The following MDGA2 variants were observed in gnomAD, a reference collection of about 807,000 sequenced individuals.
MDGA2 encodes MAM domain-containing glycosylphosphatidylinositol anchor protein 2.
MDGA2 carries 40 observed loss-of-function variants against 117.8 expected under a neutral mutation model. The ratio of observed to expected loss-of-function variants is 0.34; its 90% CI spans 0.26 to 0.44. The LOEUF (loss-of-function observed/expected upper bound fraction) is 0.44, where lower values mean the gene tolerates loss of function less well. Ranked by LOEUF, MDGA2 falls within the 20% of genes least tolerant of loss-of-function variation. MDGA2 has a pLI of 1.00. For missense variants in MDGA2, 1,123 were observed against 1,250.6 expected, an observed-to-expected ratio of 0.90 and a Z score of 1.54; for synonymous variants, 452 against 439.0, an observed-to-expected ratio of 1.03 and a Z score of -0.37.
chr14:47,168,530 T>A (rs1173420148), intron 3 of MDGA2, among the ~76,000 whole-genome samples: 1 of 152,038 alleles, frequency 6.6e-6, no homozygotes, highest in African/African-American at 2.4e-5. Context: ...CCTAACTACC[T>A]GTCTCTCATT....
chr14:46,850,699 C>A (rs1201725112), intron 15 of MDGA2, among the ~76,000 whole-genome samples: 4 of 151,876 alleles, frequency 2.6e-5, no homozygotes, highest in African/African-American at 9.7e-5. Flanking sequence ...TAGTGGGTAG[C>A]CTTGGCTTTT....
At chr14:47,610,957 C>G (rs1896836932) in intron 1 of MDGA2, among the ~76,000 whole-genome samples, 1 of 152,068 alleles carries the variant, frequency 6.6e-6, no homozygotes. Context: ...TGATTTCAAA[C>G]TATACTATAA....
At chr14:47,243,356 A>T (rs1435570799) in intron 2 of MDGA2, among the ~76,000 whole-genome samples, 1 of 151,718 alleles carries the variant, frequency 6.6e-6, no homozygotes, top group Non-Finnish European at 1.5e-5. Context: ...GTGGGGCCAG[A>T]TAAGAGAATA....
chr14:47,493,206 C>A (rs1243143068), intron 1 of MDGA2, among the ~76,000 whole-genome samples: 10 of 151,210 alleles, frequency 6.6e-5, no homozygotes, highest in Non-Finnish European at 1.3e-4. Context: ...TATTCCCCAT[C>A]TCTGAAAGAA....
intron 1 of MDGA2, among the ~76,000 whole-genome samples, chr14:47,543,275 C>T (rs781627141): frequency 1.6e-4 from 25 of 151,662 alleles, no homozygotes; most frequent in Non-Finnish European, 3.2e-4. Context: ...GAGTAATGCA[C>T]GCACTCTAAA....
intron 1 of MDGA2, chr14:47,305,296 T>A (rs1889406157): frequency 6.6e-6 from 1 of 152,148 alleles, no homozygotes; most frequent in Admixed American, 6.6e-5. Context: ...ATCCTTAAAT[T>A]GGACTAAGGG....
At chr14:47,463,284 T>C (rs1357300515) in intron 1 of MDGA2, among the ~76,000 whole-genome samples, 2 of 152,172 alleles carry the variant, frequency 1.3e-5, no homozygotes, top group African/African-American at 2.4e-5. Context: ...CTAGAAATCA[T>C]ATGAATGCTT....
chr14:47,668,217 G>A (rs1229033181), intron 1 of MDGA2, among the ~76,000 whole-genome samples: 1 of 152,172 alleles, frequency 6.6e-6, no homozygotes, highest in Non-Finnish European at 1.5e-5. Context: ...AAAGTAGCAA[G>A]AAACTGATAT....
At chr14:47,195,627 C>G (rs767491251) in intron 3 of MDGA2, among the ~76,000 whole-genome samples, 14 of 151,998 alleles carry the variant, frequency 9.2e-5, no homozygotes, top group Non-Finnish European at 1.6e-4. Flanking sequence ...TAAGTTCAAG[C>G]AGTTCATTGA....
At chr14:47,468,215 C>A (rs546699393) in intron 1 of MDGA2, among the ~76,000 whole-genome samples, 1 of 152,196 alleles carries the variant, frequency 6.6e-6, no homozygotes, top group South Asian at 2.1e-4. Flanking sequence ...ACTTCGTGAG[C>A]CCTTTTCCAG....
At chr14:47,400,758 C>CTTTTTTTTTTTTTTTTT (rs570103742) in intron 1 of MDGA2, among the ~76,000 whole-genome samples, 2 of 66,212 alleles carry the variant, frequency 3.0e-5, no homozygotes, top group African/African-American at 5.4e-5. Flanking sequence ...CTTTTCTTTT[C>CTTTTTTTTTTTTTTTTT]TTTTTTTTTT....
chr14:47,298,982 A>G (rs534748929), intron 2 of MDGA2, among the ~76,000 whole-genome samples: 164 of 152,190 alleles, frequency 1.1e-3, no homozygotes, highest in Middle Eastern at 3.4e-3. Flanking sequence ...CACCGCGCCC[A>G]GCCGCCCAGT....
chr14:47,280,277 G>GCAC (rs1434912830), intron 2 of MDGA2, among the ~76,000 whole-genome samples: 1 of 114,368 alleles, frequency 8.7e-6, no homozygotes, highest in Non-Finnish European at 1.6e-5. Context: ...TCGCACCATT[G>GCAC]CACTCCAGCC....
chr14:47,609,712 A>G (rs1372393843), intron 1 of MDGA2, among the ~76,000 whole-genome samples: 1 of 151,428 alleles, frequency 6.6e-6, no homozygotes, highest in Non-Finnish European at 1.5e-5. Flanking sequence ...CCAGCAGTGT[A>G]GAAGTGTTCC....
Position 47,158,363 on chromosome 14 carries a change from G to GTGTGTGT in MDGA2, c.596-14090_596-14089insACACACA, listed in dbSNP as rs1555358939. Among the ~76,000 whole-genome samples the GTGTGTGT allele has an allele frequency of 7.1e-3, 1,037 of 146,758 alleles. 3 individuals are homozygous for GTGTGTGT. The highest frequency in any genetic ancestry group is 9.6e-3 in the Non-Finnish European group (634 of 66,368). Reference sequence around the variant, plus strand: ...TTTCTCAGAACATATCCCTGGGGTGGGTGTGTGTGTGTGTGTGTGTGTGTG... The same window carrying GTGTGTGT: ...TTTCTCAGAACATATCCCTGGGGTGGTGTGTGTGTGTGTGTGTGTGTGTGTGTGTGTG... On this transcript the variant is annotated intron_variant, in intron 3 of 16. Transcript: ENST00000399232.
intron 3 of MDGA2, among the ~76,000 whole-genome samples, chr14:47,202,253 A>T (rs890201460): frequency 1.3e-5 from 2 of 152,196 alleles, no homozygotes; most frequent in African/African-American, 4.8e-5. Flanking sequence ...ATGATTAGAT[A>T]ATAAAAACAA....
chr14:47,632,119 C>A (rs935135337), intron 1 of MDGA2, among the ~76,000 whole-genome samples: 3 of 152,106 alleles, frequency 2.0e-5, no homozygotes, highest in African/African-American at 7.2e-5. Context: ...TTTAATCTTT[C>A]TTGAACTGTG....
At position 47,131,049 on chromosome 14, in the gene MDGA2, G is replaced by T. The variant is rs148777198; in HGVS notation, c.925+665C>A. On this transcript the variant is annotated intron_variant, in intron 5 of 16. Transcript: ENST00000399232. Reference sequence around the variant, plus strand: ...TATATGTAAAAATTTATATTGATATGAAAAATTGGAGTTTCTCAAAACCAG... The same window carrying T: ...TATATGTAAAAATTTATATTGATATTAAAAATTGGAGTTTCTCAAAACCAG... 1.3e-4 allele frequency among the ~76,000 whole-genome samples: 20 copies of T among 151,794 alleles called. No individual in the cohort carries two copies. In the East Asian group the frequency reaches 3.7e-3, roughly 28 times the overall value.
intron 1 of MDGA2, among the ~76,000 whole-genome samples, chr14:47,583,423 T>C (rs1328080094): frequency 6.6e-6 from 1 of 151,854 alleles, no homozygotes; most frequent in African/African-American, 2.4e-5. Flanking sequence ...AAGCATTTAA[T>C]TGATTTCTCA....
Sources: gnomAD v4.1 joint callset for allele counts (sites outside exome capture counted in the v4.1 genomes callset) on GRCh38, gnomAD v4.1.1 for gene constraint, MANE v1.5 for transcripts, NCBI Gene and HGNC (gene_info 2026-07-23, HGNC 2026-07-21) for gene names.